Variants in TMEM181 observed in about 807,000 individuals in gnomAD.
The protein encoded by TMEM181 is G protein-coupled receptor 178.
TMEM181 carries 39 observed loss-of-function variants against 71.9 expected under a neutral mutation model. That is an observed-to-expected ratio of 0.54 (90% CI 0.42 to 0.71). The LOEUF is 0.71. TMEM181 is among the 30% of genes least tolerant of loss of function. The pLI is 0.00. For synonymous variants in TMEM181, 245 were observed against 228.8 expected (o/e 1.07, Z -0.64); for missense variants, 595 against 583.0 (o/e 1.02, Z -0.21).
intron 5 of TMEM181, among the ~76,000 whole-genome samples, chr6:158,588,460 T>G (rs901351837): frequency 6.6e-6 from 1 of 152,132 alleles, no homozygotes; most frequent in South Asian, 2.1e-4. Context: ...TTTGTTTGTT[T>G]GTTTTTGAGA....
intron 1 of TMEM181, among the ~76,000 whole-genome samples, chr6:158,568,644 G>A (rs1242249728): frequency 2.0e-5 from 3 of 152,222 alleles, no homozygotes; most frequent in Non-Finnish European, 2.9e-5. Context: ...CTTGGTCACT[G>A]AGACTTACTC....
intron 8 of TMEM181, 97 bp from the exon 9 acceptor site, chr6:158,608,234 GCT>G (rs1292383557): frequency 1.3e-6 from 1 of 783,230 alleles, no homozygotes; most frequent in Non-Finnish European, 1.7e-6. Context: ...GGTATGGGGT[GCT>G]CTCTGCTAGG....
At chr6:158,592,067 C>G (rs538345844) in intron 6 of TMEM181, among the ~76,000 whole-genome samples, 1 of 152,182 alleles carries the variant, frequency 6.6e-6, no homozygotes, top group African/African-American at 2.4e-5. Context: ...TGGCACTCTT[C>G]AGCATCTGGA....
chr6:158,614,552 A>G (rs1446796795), intron 10 of TMEM181, among the ~76,000 whole-genome samples: 1 of 152,184 alleles, frequency 6.6e-6, no homozygotes, highest in Non-Finnish European at 1.5e-5. Context: ...TTTGTTACAT[A>G]TGTATACATG....
chr6:158,598,273 G>A (rs4709225), intron 6 of TMEM181, among the ~76,000 whole-genome samples: 54,052 of 152,026 alleles, frequency 0.36, 10,607 homozygotes, highest in East Asian at 0.75. Flanking sequence ...GTTATTCTGC[G>A]CATTTTTTCC....
intron 1 of TMEM181, among the ~76,000 whole-genome samples, chr6:158,572,047 C>G (rs995968178): frequency 6.6e-6 from 1 of 152,246 alleles, no homozygotes; most frequent in Non-Finnish European, 1.5e-5. Flanking sequence ...TTCTTTATTT[C>G]TTCACCCAGT....
intron 3 of TMEM181, among the ~76,000 whole-genome samples, chr6:158,582,695 C>T (rs1434098577): frequency 6.6e-6 from 1 of 151,882 alleles, no homozygotes; most frequent in Admixed American, 6.6e-5. Flanking sequence ...AAAACCCATT[C>T]ACCTCCAAAG....
intron 13 of TMEM181, among the ~76,000 whole-genome samples, chr6:158,627,148 CCTCA>C (rs1298830884): frequency 1.4e-5 from 2 of 147,456 alleles, no homozygotes; most frequent in African/African-American, 2.5e-5. Context: ...CACCTTACAC[CCTCA>C]CTGTCACACA....
At chr6:158,574,461 T>A (rs1185130366) in intron 2 of TMEM181, among the ~76,000 whole-genome samples, 1 of 152,178 alleles carries the variant, frequency 6.6e-6, no homozygotes, top group Non-Finnish European at 1.5e-5. Flanking sequence ...ACTGCTATCC[T>A]TTAAGATTGG....
Position 158,634,788 on chromosome 6 carries a change from T to C in TMEM181, c.*2900T>C, listed in dbSNP as rs528193341. On this transcript the variant is annotated 3_prime_UTR_variant, in exon 17 of 17. Coordinates refer to ENST00000684151, the MANE Select transcript of TMEM181 (RefSeq NM_001376852.1). The stretch of plus-strand genomic sequence containing the variant: ...CTAAATGAGCAGGTTACAAGACAAA[T>C]GTCACCAGCCTCAAGTATTTTATGA... 1 of 152,246 alleles carries C rather than the reference T, an allele frequency of 6.6e-6. No individual in the cohort carries two copies. The highest frequency in any genetic ancestry group is 1.5e-5 in the Non-Finnish European group (1 of 68,002). 9.4% of individuals were successfully genotyped at this position (152,246 alleles called of 1,614,324 possible). A position where few individuals can be genotyped will look rare whatever the true frequency, so the allele number is the denominator to read the frequency against.
intron 10 of TMEM181, among the ~76,000 whole-genome samples, chr6:158,619,628 T>C (rs1054700811): frequency 6.6e-6 from 1 of 152,034 alleles, no homozygotes; most frequent in Non-Finnish European, 1.5e-5. Flanking sequence ...CCCAGCACTT[T>C]GGGAGGCCAG....
At chr6:158,541,261 A>AG (rs1212411828) in intron 1 of TMEM181, among the ~76,000 whole-genome samples, 2 of 152,062 alleles carry the variant, frequency 1.3e-5, no homozygotes, top group South Asian at 4.2e-4. Flanking sequence ...ACTAAAAAAA[A>AG]CAAAAATTAG....
In TMEM181 at chr6:158,589,625, C is replaced by G. The variant is rs184762221; in HGVS notation, c.382-47C>G. ...TACTTCATGGGTTATTTGGCGGGAG[C>G]GTGAGTCTCGCTTTCTTTAAAGGCA... On this transcript the variant is annotated intron_variant, in intron 5 of 16. Coordinates refer to ENST00000684151, the MANE Select transcript of TMEM181 (RefSeq NM_001376852.1). 7 of 1,435,322 alleles carry G rather than the reference C, an allele frequency of 4.9e-6. No individual in the cohort carries two copies. The African/African-American group carries it at 9.8e-5, about 20-fold the overall frequency. 88.9% of individuals were successfully genotyped at this position (1,435,322 alleles called of 1,614,324 possible).
chr6:158,597,343 T>C (rs1030617433), intron 6 of TMEM181, among the ~76,000 whole-genome samples: 1 of 152,178 alleles, frequency 6.6e-6, no homozygotes, highest in East Asian at 1.9e-4. Flanking sequence ...CCTTACAGTT[T>C]TGGAGGGCAG....
At position 158,580,971 on chromosome 6, in the gene TMEM181, T is replaced by C. The variant is rs137908897; in HGVS notation, c.144T>C (p.Asn48=). The C allele has an allele frequency of 2.6e-4, 418 of 1,609,546 alleles. No homozygotes were observed. In the African/African-American group the frequency reaches 5.2e-3, roughly 20 times the overall value. Residue 48 remains asparagine, a synonymous_variant, in exon 3 of 17, where the codon AAT becomes AAC. Coordinates refer to ENST00000684151, the MANE Select transcript of TMEM181 (RefSeq NM_001376852.1). The part of the protein sequence containing the change: ...GPKVIQTSAA[N]FSLNNSKKLK... ...AAGTGATCCAGACTTCTGCGGCTAA[T>C]TTTTCACTAAATAATAGCAAAAAGG... is the stretch of plus-strand genomic sequence containing the variant.
rs1467276798 is a variant in TMEM181 at position 158,620,604 on chromosome 6, T to G, written c.897-2946T>G. On this transcript the variant is annotated intron_variant, in intron 10 of 16. Transcript: ENST00000684151. This position sits in a 1 kb window ranked among gnomAD's most constrained non-coding sequence, Gnocchi z 4.5. The stretch of plus-strand genomic sequence containing the variant: ...GTGGATTCCTGAGACCTGAGGGTTT[T>G]GAGAGCCCACTGGGGAGTAGCCCCC... Among the ~76,000 whole-genome samples the G allele has an allele frequency of 6.6e-6, 1 of 152,198 alleles. No individual in the cohort carries two copies. The highest frequency in any genetic ancestry group is 1.5e-5 in the Non-Finnish European group (1 of 68,026).
intron 6 of TMEM181, among the ~76,000 whole-genome samples, chr6:158,600,088 C>T (rs966697497): frequency 6.6e-5 from 10 of 152,182 alleles, no homozygotes; most frequent in Admixed American, 4.6e-4. Flanking sequence ...TGGACCAAAG[C>T]GTGCTCTCAG....
intron 13 of TMEM181, 62 bp from the exon 14 acceptor site, chr6:158,628,346 C>G (rs1281874269): frequency 1.3e-6 from 2 of 1,508,354 alleles, no homozygotes; most frequent in African/African-American, 2.7e-5. Flanking sequence ...AGAGAATTCT[C>G]TGAAGCTAGT....
chr6:158,556,503 G>A (rs1047296507), upstream of TMEM181, among the ~76,000 whole-genome samples: 1 of 152,152 alleles, frequency 6.6e-6, no homozygotes, highest in African/African-American at 2.4e-5. Context: ...GAAAGATGAA[G>A]GTTTTTAAAG....
Sources: allele counts gnomAD v4.1 joint callset (sites outside exome capture counted in the v4.1 genomes callset), GRCh38; gene constraint gnomAD v4.1.1; non-coding constraint Gnocchi (gnomAD v3.1); transcripts MANE v1.5; gene names NCBI Gene and HGNC (gene_info 2026-07-23, HGNC 2026-07-21).